CGNL1: variants seen among roughly 807,000 people sequenced by gnomAD.
The protein encoded by CGNL1 is cingulin-like protein 1.
In CGNL1, 132 loss-of-function variants were observed where a neutral mutation model predicts 141.2. The observed-to-expected ratio is 0.93, with a 90% CI of 0.81 to 1.08. The LOEUF (loss-of-function observed/expected upper bound fraction) is 1.08. Among genes scored for constraint, CGNL1 ranks in the 50% least tolerant of loss-of-function variants. CGNL1 has a pLI of 0.00. For synonymous variants in CGNL1, 690 were observed against 622.1 expected, an observed-to-expected ratio of 1.11 and a Z score of -1.63; for missense variants, 1,870 against 1,588.6, an observed-to-expected ratio of 1.18 and a Z score of -3.01.
At chr15:57,431,242 G>A (rs1232721513) in intron 1 of CGNL1, among the ~76,000 whole-genome samples, 1 of 152,188 alleles carries the variant, frequency 6.6e-6, no homozygotes, top group Non-Finnish European at 1.5e-5. Flanking sequence ...CCTGAACTGT[G>A]TGAAACAGAG....
At chr15:57,447,277 T>G (rs2063265777) in intron 4 of CGNL1, among the ~76,000 whole-genome samples, 1 of 152,238 alleles carries the variant, frequency 6.6e-6, no homozygotes, top group Non-Finnish European at 1.5e-5. Flanking sequence ...TTTCTGTACT[T>G]CTGTGTTTCC....
intron 4 of CGNL1, among the ~76,000 whole-genome samples, chr15:57,447,855 G>A (rs2063275798): frequency 1.3e-5 from 2 of 150,272 alleles, no homozygotes; most frequent in Admixed American, 1.3e-4. Flanking sequence ...TATGTTGTAT[G>A]TTTGGGGCAT....
intron 1 of CGNL1, among the ~76,000 whole-genome samples, chr15:57,384,767 T>C (rs1415982771): frequency 6.6e-6 from 1 of 152,166 alleles, no homozygotes; most frequent in Non-Finnish European, 1.5e-5. Context: ...TGGTGTCTGG[T>C]AGAAAATAGG....
At position 57,456,744 on chromosome 15, in the gene CGNL1, C is replaced by T. The variant is rs143425255; in HGVS notation, c.2190+2926C>T. Reference sequence around the variant, plus strand: ...GGTGACAGGTCAACGTGAGACAGCTCGCTAAGTGCCACGATGGTGGGGTTT... The same window carrying T: ...GGTGACAGGTCAACGTGAGACAGCTTGCTAAGTGCCACGATGGTGGGGTTT... On this transcript the variant is annotated intron_variant, in intron 7 of 18. Transcript: ENST00000281282. Among the ~76,000 whole-genome samples, 500 of 152,078 alleles carry T rather than the reference C, an allele frequency of 3.3e-3. 4 individuals carry two copies. Among genetic ancestry groups the T allele is most frequent in the African/African-American group, 9.3e-3 (384 of 41,474 alleles).
At chr15:57,499,392 C>G (rs564163239) in intron 8 of CGNL1, among the ~76,000 whole-genome samples, 12 of 152,004 alleles carry the variant, frequency 7.9e-5, no homozygotes, top group Non-Finnish European at 1.3e-4. Context: ...CTTGTGCCAC[C>G]ACACCTGGCT....
At chr15:57,404,839 G>A (rs1441800207) in intron 1 of CGNL1, among the ~76,000 whole-genome samples, 1 of 152,138 alleles carries the variant, frequency 6.6e-6, no homozygotes, top group Non-Finnish European at 1.5e-5. Context: ...AAGTTCATGT[G>A]GAATTGGGAG....
intron 9 of CGNL1, among the ~76,000 whole-genome samples, chr15:57,517,189 A>T (rs1270161920): frequency 6.6e-6 from 1 of 152,164 alleles, no homozygotes; most frequent in African/African-American, 2.4e-5. Flanking sequence ...AGGGACGGTG[A>T]GGTCAGGCGG....
chr15:57,417,312 C>T (rs765593857), intron 1 of CGNL1, among the ~76,000 whole-genome samples: 4 of 152,194 alleles, frequency 2.6e-5, no homozygotes, highest in Non-Finnish European at 5.9e-5. Flanking sequence ...TAGCTCACTG[C>T]AGCCTCCATC....
chr15:57,453,914 G>T (rs2063350122), intron 7 of CGNL1, 96 bp downstream of exon 7: 3 of 1,370,722 alleles, frequency 2.2e-6, no homozygotes, highest in East Asian at 2.4e-5. Context: ...ACTTTCTGAT[G>T]TGCACACCTG....
rs767272519 is a variant in CGNL1, at chr15:57,438,522, C to T, written c.523C>T (p.Leu175=). Residue 175 remains leucine (L), a synonymous_variant, in exon 2 of 19, where the codon CTA becomes TTA. Transcript: ENST00000281282. Reference sequence around the variant, plus strand: ...TCACCAGCCTTCTGAGAGTAATTGGCTAAAAACGTTGACAGAAGAAGGCAT... The same window carrying T: ...TCACCAGCCTTCTGAGAGTAATTGGTTAAAAACGTTGACAGAAGAAGGCAT... ...QNHQPSESNW[L]KTLTEEGINN... 5 of 1,613,960 alleles carry T rather than the reference C, an allele frequency of 3.1e-6. No individual in the cohort carries two copies. The highest frequency in any genetic ancestry group is 1.6e-4 in the Middle Eastern group (1 of 6,084).
chr15:57,480,330 C>A (rs2063710301), intron 8 of CGNL1, among the ~76,000 whole-genome samples: 1 of 133,392 alleles, frequency 7.5e-6, no homozygotes, highest in Non-Finnish European at 1.5e-5. Flanking sequence ...CCCGCCTGGC[C>A]AACATAGTAA....
At chr15:57,430,234 T>C (rs937253778) in intron 1 of CGNL1, among the ~76,000 whole-genome samples, 22 of 152,208 alleles carry the variant, frequency 1.4e-4, no homozygotes, top group Non-Finnish European at 2.1e-4. Context: ...AGAGCCAATA[T>C]TGGACTTGAG....
At chr15:57,376,745 A>C (rs2062367281) in intron 1 of CGNL1, among the ~76,000 whole-genome samples, 178 bp downstream of exon 1, 1 of 148,376 alleles carries the variant, frequency 6.7e-6, no homozygotes, top group Non-Finnish European at 1.5e-5. Flanking sequence ...GGGCTCGAAG[A>C]TGCGACCCGG....
intron 1 of CGNL1, among the ~76,000 whole-genome samples, chr15:57,432,222 C>T (rs1186132551): frequency 6.6e-6 from 1 of 152,198 alleles, no homozygotes; most frequent in Non-Finnish European, 1.5e-5. Context: ...GTTGCATTTC[C>T]TCCGTAGCCA....
chr15:57,534,414 T>C (rs901935823), intron 14 of CGNL1, among the ~76,000 whole-genome samples: 23 of 152,208 alleles, frequency 1.5e-4, no homozygotes, highest in Non-Finnish European at 2.8e-4. Flanking sequence ...GCCTCCTGAC[T>C]TGTGAGGGAG....
chr15:57,427,039 G>A (rs1344132923), intron 1 of CGNL1, among the ~76,000 whole-genome samples: 1 of 152,168 alleles, frequency 6.6e-6, no homozygotes, highest in African/African-American at 2.4e-5. Flanking sequence ...AGGGGCTGGT[G>A]AGAGCAAGGC....
intron 1 of CGNL1, among the ~76,000 whole-genome samples, chr15:57,413,905 A>G (rs2062821155): frequency 6.6e-6 from 1 of 152,140 alleles, no homozygotes; most frequent in Non-Finnish European, 1.5e-5. Context: ...TCTTTCAAGG[A>G]GATGCCTCCA....
chr15:57,504,982 C>G (rs1306243225), intron 8 of CGNL1, among the ~76,000 whole-genome samples: 1 of 152,192 alleles, frequency 6.6e-6, no homozygotes, highest in Non-Finnish European at 1.5e-5. Flanking sequence ...TTGGATTAGA[C>G]TTGGTTACTC....
chr15:57,518,690 G>A (rs2031025812), intron 10 of CGNL1, among the ~76,000 whole-genome samples, 193 bp downstream of exon 10: 2 of 152,240 alleles, frequency 1.3e-5, no homozygotes, highest in Non-Finnish European at 2.9e-5. Flanking sequence ...GGTAATGCCT[G>A]AAGACAATTT....
Sources: allele counts gnomAD v4.1 joint callset (sites outside exome capture counted in the v4.1 genomes callset), GRCh38; gene constraint gnomAD v4.1.1; transcripts MANE v1.5; gene names NCBI Gene and HGNC (gene_info 2026-07-23, HGNC 2026-07-21).